Variants in GRM1 observed in about 807,000 individuals in gnomAD.
The protein encoded by GRM1 is glutamate metabotropic receptor 1, also known as metabotropic glutamate receptor 1.
Under a neutral mutation model 90.9 loss-of-function variants are expected in GRM1, and 33 were observed. The ratio of observed to expected loss-of-function variants is 0.36; its 90% CI spans 0.28 to 0.49. The LOEUF is 0.49. Among genes scored for constraint, GRM1 ranks in the 20% least tolerant of loss-of-function variants. GRM1 has a pLI of 0.99. For synonymous variants in GRM1, 700 were observed against 613.2 expected (o/e 1.14, Z -2.09); for missense variants, 1,190 against 1,534.3 (o/e 0.78, Z 3.75).
chr6:146,211,079 A>G (rs936787487), intron 2 of GRM1, among the ~76,000 whole-genome samples: 12 of 152,012 alleles, frequency 7.9e-5, no homozygotes, highest in African/African-American at 2.9e-4. Flanking sequence ...CCACTGAGTT[A>G]TTCAACTTCT....
intron 7 of GRM1, among the ~76,000 whole-genome samples, chr6:146,407,501 G>A (rs1777387884): frequency 6.6e-6 from 1 of 152,076 alleles, no homozygotes; most frequent in East Asian, 1.9e-4. Context: ...TTATATTTCA[G>A]ATTCAGATAA....
At chr6:146,117,296 T>A (rs1173206286) in intron 1 of GRM1, among the ~76,000 whole-genome samples, 1 of 151,812 alleles carries the variant, frequency 6.6e-6, no homozygotes, top group Non-Finnish European at 1.5e-5. Flanking sequence ...TCTATATAAT[T>A]CTTTTTGCTC....
At chr6:146,319,373 T>G (rs1197008533) in intron 3 of GRM1, among the ~76,000 whole-genome samples, 1 of 152,212 alleles carries the variant, frequency 6.6e-6, no homozygotes, top group Non-Finnish European at 1.5e-5. Context: ...TACTGTAGAC[T>G]TGTAGTATAG....
chr6:146,419,622 G>C (rs1777915525), intron 7 of GRM1, among the ~76,000 whole-genome samples: 1 of 152,168 alleles, frequency 6.6e-6, no homozygotes, highest in African/African-American at 2.4e-5. Flanking sequence ...AGTTCCACAG[G>C]CTTAACAGGA....
At chr6:146,141,320 T>C (rs1434417939) in intron 1 of GRM1, among the ~76,000 whole-genome samples, 1 of 152,032 alleles carries the variant, frequency 6.6e-6, no homozygotes, top group Admixed American at 6.6e-5. Flanking sequence ...ATTTTTTTTT[T>C]GTCCTTGACC....
intron 5 of GRM1, among the ~76,000 whole-genome samples, chr6:146,371,959 C>T (rs925675404): frequency 1.3e-4 from 20 of 151,978 alleles, no homozygotes; most frequent in African/African-American, 4.6e-4. Flanking sequence ...TACTGATTTC[C>T]TTTATTTTGT....
chr6:146,244,713 T>A (rs1583214844), intron 2 of GRM1, among the ~76,000 whole-genome samples: 1 of 152,344 alleles, frequency 6.6e-6, no homozygotes. Flanking sequence ...AAGTTTTGTG[T>A]CAAACTCCTT....
At chr6:146,280,929 A>C (rs1049555314) in intron 2 of GRM1, among the ~76,000 whole-genome samples, 1 of 152,040 alleles carries the variant, frequency 6.6e-6, no homozygotes, top group African/African-American at 2.4e-5. Context: ...ACACCCAAGT[A>C]GCATTTTTTA....
intron 5 of GRM1, among the ~76,000 whole-genome samples, chr6:146,379,169 C>T (rs1403948350): frequency 6.6e-6 from 1 of 152,022 alleles, no homozygotes; most frequent in African/African-American, 2.4e-5. Flanking sequence ...ACTTTCAAAC[C>T]CTATCTCTTT....
At chr6:146,356,944 C>T (rs3819841) in intron 4 of GRM1, among the ~76,000 whole-genome samples, 30,156 of 152,038 alleles carry the variant, frequency 0.2, 3,295 homozygotes, top group Middle Eastern at 0.27. Flanking sequence ...CTGATACCAG[C>T]TATTTGGTTT....
Position 146,122,830 on chromosome 6 carries a change from C to A in GRM1, c.701-36518C>A, listed in dbSNP as rs369396462. ...TTCTTTTTTTCTTTTTCTTTCTTTTCTTTTCTTTCTTTTTTTTTTTTTTTT... is the reference window on the plus strand; with the variant it reads ...TTCTTTTTTTCTTTTTCTTTCTTTTATTTTCTTTCTTTTTTTTTTTTTTTT... On this transcript the variant is annotated intron_variant, in intron 1 of 7. Coordinates refer to ENST00000282753, the MANE Select transcript of GRM1 (RefSeq NM_001278064.2). 1.3e-4 allele frequency among the ~76,000 whole-genome samples: 14 copies of A among 103,990 alleles called. 1 individual carries two copies. The South Asian group carries it at 3.8e-3, about 28-fold the overall frequency. 68.2% of individuals were successfully genotyped at this position (103,990 alleles called of 152,430 possible).
chr6:146,214,529 G>C (rs1278716160), intron 2 of GRM1, among the ~76,000 whole-genome samples: 1 of 152,040 alleles, frequency 6.6e-6, no homozygotes, highest in Non-Finnish European at 1.5e-5. Context: ...AAAATCAGGT[G>C]GGAGCTATTA....
chr6:146,303,491 C>T (rs376763377), intron 2 of GRM1, among the ~76,000 whole-genome samples: 1 of 152,136 alleles, frequency 6.6e-6, no homozygotes, highest in African/African-American at 2.4e-5. Context: ...AGATGTAGAT[C>T]GTCTAGTTTC....
At chr6:146,232,081 C>T (rs1780468984) in intron 2 of GRM1, among the ~76,000 whole-genome samples, 1 of 152,074 alleles carries the variant, frequency 6.6e-6, no homozygotes, top group Non-Finnish European at 1.5e-5. Context: ...CTTACACATT[C>T]AATTTTTTAA....
intron 5 of GRM1, among the ~76,000 whole-genome samples, chr6:146,384,312 A>G (rs1776422391): frequency 6.6e-6 from 1 of 152,156 alleles, no homozygotes; most frequent in South Asian, 2.1e-4. Context: ...CCCAGAGCTG[A>G]CATAGAGCCA....
At chr6:146,113,409 G>T (rs1405511386) in intron 1 of GRM1, among the ~76,000 whole-genome samples, 4 of 152,158 alleles carry the variant, frequency 2.6e-5, no homozygotes, top group Non-Finnish European at 5.9e-5. Flanking sequence ...CTTGAATTTG[G>T]CATGCTGCAA....
intron 1 of GRM1, among the ~76,000 whole-genome samples, chr6:146,060,252 T>A (rs189043075): frequency 2.0e-3 from 310 of 152,246 alleles, no homozygotes; most frequent in South Asian, 5.0e-3. Context: ...TGTTTTTTTT[T>A]AATTTTTATT....
chr6:146,057,562 C>T (rs1349217097), intron 1 of GRM1, among the ~76,000 whole-genome samples: 3 of 152,014 alleles, frequency 2.0e-5, no homozygotes, highest in Non-Finnish European at 4.4e-5. Flanking sequence ...TGTATATCAG[C>T]GAGATAACAT....
At chr6:146,141,354 C>G (rs189583963) in intron 1 of GRM1, among the ~76,000 whole-genome samples, 1 of 151,282 alleles carries the variant, frequency 6.6e-6, no homozygotes, top group Admixed American at 6.6e-5. Context: ...TATTAAATGC[C>G]TCGAAGTAGT....
Sources: allele counts gnomAD v4.1 joint callset (sites outside exome capture counted in the v4.1 genomes callset), GRCh38; gene constraint gnomAD v4.1.1; transcripts MANE v1.5; gene names NCBI Gene and HGNC (gene_info 2026-07-23, HGNC 2026-07-21).